The following OSMR variants were observed in gnomAD, a reference collection of about 807,000 sequenced individuals.
The protein encoded by OSMR is oncostatin-M-specific receptor subunit beta.
Under a neutral mutation model 99.9 loss-of-function variants are expected in OSMR, and 81 were observed. That is an observed-to-expected ratio of 0.81 (90% CI 0.68 to 0.97). OSMR has a LOEUF of 0.97. Ranked by LOEUF, OSMR falls within the 50% of genes least tolerant of loss-of-function variation. The pLI is 0.00. For synonymous variants in OSMR, 406 were observed against 410.4 expected (o/e 0.99, Z 0.13); for missense variants, 1,099 against 1,153.4 (o/e 0.95, Z 0.68).
intron 9 of OSMR, among the ~76,000 whole-genome samples, chr5:38,906,281 C>T (rs554659775): frequency 1.1e-4 from 17 of 151,024 alleles, no homozygotes; most frequent in Non-Finnish European, 8.8e-5. Context: ...ATCTTGAAAA[C>T]GCTTAACTTT....
In OSMR at chr5:38,883,135, G is replaced by A. The variant is rs547097363; in HGVS notation, c.419-692G>A. 5.9e-5 allele frequency among the ~76,000 whole-genome samples: 9 copies of A among 152,284 alleles called. No homozygotes were observed. In the East Asian group the frequency reaches 1.5e-3, roughly 26 times the overall value. Reference sequence around the variant, plus strand: ...TTGAGACCAGCCTGCACAACATGGCGAAGCCCCAGCTCTACTAAAAATACA... The same window carrying A: ...TTGAGACCAGCCTGCACAACATGGCAAAGCCCCAGCTCTACTAAAAATACA... On this transcript the variant is annotated intron_variant, in intron 4 of 17. Transcript: ENST00000274276.
chr5:38,913,410 C>T lies in OSMR; in HGVS notation c.1286-4136C>T, dbSNP rs527785859. Among the ~76,000 whole-genome samples the T allele has an allele frequency of 9.9e-5, 15 of 151,960 alleles. No homozygotes were observed. The East Asian group carries it at 2.9e-3, about 30-fold the overall frequency. Reference sequence around the variant, plus strand: ...TAAAAATAGAAAAAAATCAGCCAGGCGTGGTGGTGGCTGCCTATAGTCCCA... The same window carrying T: ...TAAAAATAGAAAAAAATCAGCCAGGTGTGGTGGTGGCTGCCTATAGTCCCA... On this transcript the variant is annotated intron_variant, in intron 9 of 17. Transcript: ENST00000274276.
intron 1 of OSMR, chr5:38,943,140 T>C: frequency 2.2e-6 from 1 of 460,876 alleles, no homozygotes; most frequent in Non-Finnish European, 3.8e-6. Flanking sequence ...GTCACACACT[T>C]AGACATTCTG....
intron 15 of OSMR, among the ~76,000 whole-genome samples, chr5:38,929,950 T>C (rs1179147014): frequency 6.6e-6 from 1 of 152,226 alleles, no homozygotes; most frequent in African/African-American, 2.4e-5. Context: ...GGGAGATGAA[T>C]ACATGATTAA....
chr5:38,849,576 T>G (rs1407953486), intron 1 of OSMR, among the ~76,000 whole-genome samples: 1 of 152,192 alleles, frequency 6.6e-6, no homozygotes, highest in Non-Finnish European at 1.5e-5. Flanking sequence ...ACTTTTTTTA[T>G]AAATCACATA....
intron 7 of OSMR, among the ~76,000 whole-genome samples, chr5:38,901,266 T>C (rs962121831): frequency 6.6e-6 from 1 of 152,232 alleles, no homozygotes; most frequent in Non-Finnish European, 1.5e-5. Context: ...AGACCATTGG[T>C]AGGCATATTT....
At chr5:38,861,137 T>A (rs1254733559) in intron 1 of OSMR, among the ~76,000 whole-genome samples, 1 of 152,216 alleles carries the variant, frequency 6.6e-6, no homozygotes. Context: ...TTTTGAAATT[T>A]TTATTGATCA....
chr5:38,944,190 AT>A (rs1213007798), intron 1 of OSMR: 2 of 552,928 alleles, frequency 3.6e-6, no homozygotes, highest in Non-Finnish European at 6.8e-6. Context: ...ATTATTTTAC[AT>A]TTTTTGCAGA....
At chr5:38,883,141 C>T (rs559321848) in intron 4 of OSMR, among the ~76,000 whole-genome samples, 49 of 152,242 alleles carry the variant, frequency 3.2e-4, no homozygotes, top group African/African-American at 1.2e-3. Context: ...TGGCGAAGCC[C>T]CAGCTCTACT....
intron 7 of OSMR, among the ~76,000 whole-genome samples, chr5:38,895,558 G>T (rs942609204): frequency 1.3e-5 from 2 of 151,962 alleles, no homozygotes; most frequent in Admixed American, 6.6e-5. Context: ...TATCAGATGG[G>T]TAGTTTGGAA....
At chr5:38,929,918 T>C (rs1746644337) in intron 15 of OSMR, among the ~76,000 whole-genome samples, 1 of 152,190 alleles carries the variant, frequency 6.6e-6, no homozygotes, top group African/African-American at 2.4e-5. Context: ...TACTCTATAT[T>C]TACCTTATCT....
intron 7 of OSMR, among the ~76,000 whole-genome samples, chr5:38,889,044 A>C (rs1462730887): frequency 6.6e-6 from 1 of 152,052 alleles, no homozygotes; most frequent in Non-Finnish European, 1.5e-5. Context: ...AGTAGTAATG[A>C]TAATCTATTT....
At chr5:38,939,602 A>T (rs551122845), downstream of OSMR, 3 of 231,658 alleles carry the variant, frequency 1.3e-5, no homozygotes, top group South Asian at 5.4e-4. Flanking sequence ...TCTTGAAAAA[A>T]AGTTCAATTA....
chr5:38,904,040 A>G lies in OSMR; in HGVS notation c.1134+16A>G. The G allele has an allele frequency of 6.2e-7, 1 of 1,613,138 alleles. No homozygotes were observed. The highest frequency in any genetic ancestry group is 8.5e-7 in the Non-Finnish European group (1 of 1,179,814). ...AATGATGCAAGTAAGAACCCTGCTT[A>G]ATTTTCTATTTTCAAAAATTCTTTT... On this transcript the variant is annotated intron_variant, in intron 8 of 17. Coordinates refer to ENST00000274276, the MANE Select transcript of OSMR (RefSeq NM_003999.3).
chr5:38,932,851 A>G (rs767491991), intron 17 of OSMR, 21 bp from the exon 18 acceptor site: 2 of 1,613,500 alleles, frequency 1.2e-6, no homozygotes, highest in Admixed American at 1.7e-5. Flanking sequence ...CTATATTTAC[A>G]TATTTTTGTT....
At position 38,865,049 on chromosome 5, in the gene OSMR, G is replaced by A. The variant is rs111872652; in HGVS notation, c.-13-3983G>A. ...AAATTCTTTCTAGTCTGCTGGTGAA[G>A]CTCTTGATTGTATTTTTTATTTCAA... On this transcript the variant is annotated intron_variant, in intron 1 of 17. Transcript: ENST00000274276. 6.4e-3 allele frequency among the ~76,000 whole-genome samples: 969 copies of A among 152,224 alleles called. 19 individuals are homozygous for A. Among genetic ancestry groups the A allele is most frequent in the African/African-American group, 0.022 (905 of 41,552 alleles).
chr5:38,884,051 T>G lies in OSMR; in HGVS notation c.643T>G (p.Cys215Gly). 6.2e-7 allele frequency: 1 copy of G among 1,614,118 alleles called. No individual in the cohort carries two copies. The highest frequency in any genetic ancestry group is 8.5e-7 in the Non-Finnish European group (1 of 1,179,956). The change falls in exon 5 of 18, where the codon TGT (cysteine) becomes GGT (glycine). Residue 215 changes from cysteine (C) to glycine (G), a missense_variant. Physicochemically the swap from Cys to Gly is radical, Grantham distance 159 (BLOSUM62 -3). Transcript: ENST00000274276. Reference protein sequence around the residue: ...FIRNKGTNIYCEASQGNVSEG... With the variant: ...FIRNKGTNIYGEASQGNVSEG... The stretch of plus-strand genomic sequence containing the variant: ...TAGGAATAAAGGGACAAATATCTAT[T>G]GTGAGGCAAGTCAAGGAAATGTCAG...
intron 9 of OSMR, among the ~76,000 whole-genome samples, chr5:38,914,676 C>A (rs1745797851): frequency 2.0e-5 from 3 of 152,136 alleles, no homozygotes; most frequent in Non-Finnish European, 2.9e-5. Flanking sequence ...AATAATGTTC[C>A]TCCCAGCAAC....
At chr5:38,896,050 A>G (rs1012489291) in intron 7 of OSMR, among the ~76,000 whole-genome samples, 20 of 151,902 alleles carry the variant, frequency 1.3e-4, no homozygotes, top group African/African-American at 3.9e-4. Flanking sequence ...TTTGGTTACT[A>G]TAGCTCTATA....
Sources: gnomAD v4.1 joint callset for allele counts (sites outside exome capture counted in the v4.1 genomes callset) on GRCh38, gnomAD v4.1.1 for gene constraint, MANE v1.5 for transcripts, NCBI Gene and HGNC (gene_info 2026-07-23, HGNC 2026-07-21) for gene names.